Variants in TMEM87B observed in about 807,000 individuals in gnomAD.
TMEM87B encodes the protein transmembrane protein 87B.
Under a neutral mutation model 80.3 loss-of-function variants are expected in TMEM87B, and 83 were observed. The observed-to-expected ratio is 1.03, with a 90% CI of 0.87 to 1.24. TMEM87B has a LOEUF of 1.24. Ranked by LOEUF, TMEM87B falls within the 50% of genes most tolerant of loss-of-function variation. The pLI, the probability that TMEM87B is intolerant of heterozygous loss-of-function variation, is 0.00. For missense variants in TMEM87B, 625 were observed against 674.4 expected (o/e 0.93, Z 0.81); for synonymous variants, 219 against 230.5 (o/e 0.95, Z 0.45).
intron 10 of TMEM87B, 106 bp from the exon 11 acceptor site, chr2:112,091,606 G>A (rs930147685): frequency 3.6e-5 from 28 of 768,358 alleles, no homozygotes; most frequent in Non-Finnish European, 5.3e-5. Context: ...ATGTGGCTTT[G>A]TAAAGTAATG....
chr2:112,076,839 GT>G (rs1478581933), intron 5 of TMEM87B, among the ~76,000 whole-genome samples: 1 of 127,120 alleles, frequency 7.9e-6, no homozygotes, highest in East Asian at 2.1e-4. Context: ...TTCCTTTTCT[GT>G]TTTGTGTGTG....
rs575854389 is a variant in TMEM87B at position 112,064,733 on chromosome 2, G to C, written c.318+480G>C. Among the ~76,000 whole-genome samples, 7 of 152,286 alleles carry C rather than the reference G, an allele frequency of 4.6e-5. No homozygotes were observed. In the South Asian group the frequency reaches 1.5e-3, roughly 32 times the overall value. On this transcript the variant is annotated intron_variant, in intron 3 of 18. Transcript: ENST00000283206. ...AGCAAGGCTTTTCCTGCACCTGGCT[G>C]TGAAGCCTGGGTTTCTTCCTCCTGG...
chr2:112,071,960 A>G (rs986384330), intron 4 of TMEM87B, among the ~76,000 whole-genome samples: 2 of 152,178 alleles, frequency 1.3e-5, no homozygotes, highest in Non-Finnish European at 2.9e-5. Flanking sequence ...CTGTTCCCTC[A>G]ATACCTAGTT....
intron 8 of TMEM87B, among the ~76,000 whole-genome samples, chr2:112,082,066 A>G (rs1321276463): frequency 6.6e-6 from 1 of 152,196 alleles, no homozygotes; most frequent in Non-Finnish European, 1.5e-5. Context: ...CAGGCAGGCC[A>G]TACAGCTGGG....
chr2:112,091,641 A>T, intron 10 of TMEM87B, 71 bp from the exon 11 acceptor site: 1 of 1,028,814 alleles, frequency 9.7e-7, no homozygotes, highest in Admixed American at 2.2e-5. Context: ...ATTTTTCTTC[A>T]TCAAATGATA....
At chr2:112,069,417 G>A (rs551846813) in intron 4 of TMEM87B, among the ~76,000 whole-genome samples, 1 of 152,046 alleles carries the variant, frequency 6.6e-6, no homozygotes, top group African/African-American at 2.4e-5. Context: ...GAGAACATGC[G>A]GTATTTGGTT....
At chr2:112,064,087 C>T in intron 2 of TMEM87B, 75 bp from the exon 3 acceptor site, 1 of 1,268,810 alleles carries the variant, frequency 7.9e-7, no homozygotes, top group Non-Finnish European at 1.1e-6. Context: ...TTTTTAATTG[C>T]ATTCTCAAAA....
At chr2:112,080,208 T>C (rs1281065894) in intron 6 of TMEM87B, among the ~76,000 whole-genome samples, 2 of 147,096 alleles carry the variant, frequency 1.4e-5, no homozygotes, top group African/African-American at 5.0e-5. Context: ...GGATTACAGG[T>C]GTGAGCTGTA....
chr2:112,069,209 A>C (rs942488559), intron 4 of TMEM87B, among the ~76,000 whole-genome samples: 12 of 151,560 alleles, frequency 7.9e-5, no homozygotes, highest in African/African-American at 2.9e-4. Flanking sequence ...AAAAAAAAAA[A>C]AAAAAAAAAA....
At chr2:112,078,044 T>A (rs934568724) in intron 6 of TMEM87B, among the ~76,000 whole-genome samples, 1 of 152,162 alleles carries the variant, frequency 6.6e-6, no homozygotes, top group Non-Finnish European at 1.5e-5. Flanking sequence ...AGGCTCGGTC[T>A]GTTGTACTGC....
Position 112,096,499 on chromosome 2 carries a change from A to G in TMEM87B, c.1105-545A>G, listed in dbSNP as rs556157454. ...GCAGTAATCCTCCCCCGTTGCAGTC[A>G]TCTTTCAAATAAAGCCCTTAACTAA... On this transcript the variant is annotated intron_variant, in intron 11 of 18. Coordinates refer to ENST00000283206, the MANE Select transcript of TMEM87B (RefSeq NM_032824.3). Among the ~76,000 whole-genome samples the G allele has an allele frequency of 3.9e-5, 6 of 152,364 alleles. No homozygotes were observed. In the South Asian group the frequency reaches 1.0e-3, roughly 26 times the overall value.
At chr2:112,084,743 TG>T (rs1679095209) in intron 8 of TMEM87B, among the ~76,000 whole-genome samples, 1 of 152,264 alleles carries the variant, frequency 6.6e-6, no homozygotes, top group African/African-American at 2.4e-5. Context: ...TGCTTCTCTC[TG>T]TGATCACTGC....
intron 14 of TMEM87B, 123 bp from the exon 15 acceptor site, chr2:112,100,499 C>T: frequency 1.7e-6 from 1 of 585,100 alleles, no homozygotes; most frequent in African/African-American, 2.0e-5. Flanking sequence ...ATTACGTTTT[C>T]ATTATTTTAA....
chr2:112,101,285 G>A (rs888679968), intron 15 of TMEM87B, among the ~76,000 whole-genome samples: 2 of 151,706 alleles, frequency 1.3e-5, no homozygotes, highest in African/African-American at 4.8e-5. Flanking sequence ...TTCACCTTCT[G>A]TTTTGGTTCT....
chr2:112,081,219 T>C, intron 7 of TMEM87B, 101 bp downstream of exon 7: 2 of 1,429,408 alleles, frequency 1.4e-6, no homozygotes, highest in Admixed American at 3.7e-5. Context: ...TGACATATCC[T>C]GTATTTCTGG....
At chr2:112,063,662 T>C (rs1678326056) in intron 2 of TMEM87B, among the ~76,000 whole-genome samples, 1 of 152,238 alleles carries the variant, frequency 6.6e-6, no homozygotes, top group African/African-American at 2.4e-5. Context: ...CTTCATGCTC[T>C]CCTGGGCTAT....
intron 5 of TMEM87B, among the ~76,000 whole-genome samples, chr2:112,075,805 C>T (rs1380282031): frequency 1.3e-5 from 2 of 152,122 alleles, no homozygotes; most frequent in African/African-American, 2.4e-5. Context: ...GAAAGGCACT[C>T]GCTCTGCAGT....
intron 3 of TMEM87B, 110 bp from the exon 4 acceptor site, chr2:112,066,826 G>T (rs1678450824): frequency 5.3e-6 from 5 of 939,416 alleles, no homozygotes; most frequent in Non-Finnish European, 7.6e-6. Flanking sequence ...GTATTTCCAG[G>T]TATTTCAAAC....
At chr2:112,084,600 C>T (rs933228304) in intron 8 of TMEM87B, among the ~76,000 whole-genome samples, 2 of 152,188 alleles carry the variant, frequency 1.3e-5, no homozygotes, top group African/African-American at 2.4e-5. Flanking sequence ...GATCTATCTT[C>T]GAGGCATTTG....
Sources: allele counts gnomAD v4.1 joint callset (sites outside exome capture counted in the v4.1 genomes callset), GRCh38; gene constraint gnomAD v4.1.1; transcripts MANE v1.5; gene names NCBI Gene and HGNC (gene_info 2026-07-23, HGNC 2026-07-21).